The following FBXL7 variants were observed in gnomAD, a reference collection of about 807,000 sequenced individuals.
FBXL7 encodes the protein F-box and leucine rich repeat protein 7.
A neutral mutation model predicts 38.3 loss-of-function variants in FBXL7; 12 were observed. The ratio of observed to expected loss-of-function variants is 0.31; its 90% CI spans 0.20 to 0.51. The LOEUF is 0.51. Among genes scored for constraint, FBXL7 ranks in the 20% least tolerant of loss-of-function variants. The probability of loss-of-function intolerance (pLI) is 0.98; values close to 1 mark genes in which losing one functional copy is unlikely to be tolerated. For synonymous variants in FBXL7, 297 were observed against 300.9 expected (o/e 0.99, Z 0.13); for missense variants, 567 against 676.4 (o/e 0.84, Z 1.79).
intron 3 of FBXL7, chr5:15,935,042 G>C: frequency 2.2e-6 from 1 of 457,812 alleles, no homozygotes; most frequent in Non-Finnish European, 4.6e-6. Flanking sequence ...TTGGCTCTGA[G>C]ACCTGGGAAA....
At chr5:15,628,701 C>T (rs1740899093) in intron 2 of FBXL7, among the ~76,000 whole-genome samples, 1 of 152,098 alleles carries the variant, frequency 6.6e-6, no homozygotes, top group Admixed American at 6.6e-5. Context: ...TTTTCTATAA[C>T]ATTAATTTAT....
chr5:15,897,928 A>G (rs1741143448), intron 2 of FBXL7, among the ~76,000 whole-genome samples: 1 of 152,240 alleles, frequency 6.6e-6, no homozygotes, highest in Non-Finnish European at 1.5e-5. Flanking sequence ...GGCCATCACT[A>G]TCAATATATT....
At chr5:15,734,607 C>T (rs562481595) in intron 2 of FBXL7, among the ~76,000 whole-genome samples, 22 of 152,334 alleles carry the variant, frequency 1.4e-4, no homozygotes, top group African/African-American at 5.1e-4. Context: ...CCTCTTCCAT[C>T]CTTCCTTCCT....
chr5:15,602,034 C>T (rs1739812608), intron 1 of FBXL7, among the ~76,000 whole-genome samples: 1 of 152,108 alleles, frequency 6.6e-6, no homozygotes, highest in African/African-American at 2.4e-5. Context: ...ACTAAGGCTG[C>T]ACCTGGAGTT....
At chr5:15,924,258 C>T (rs994549706) in intron 2 of FBXL7, among the ~76,000 whole-genome samples, 12 of 152,262 alleles carry the variant, frequency 7.9e-5, no homozygotes, top group Middle Eastern at 3.4e-3. Context: ...ATGTATACCA[C>T]CTGGAACAGA....
At chr5:15,599,493 T>C (rs1248199778) in intron 1 of FBXL7, among the ~76,000 whole-genome samples, 1 of 152,170 alleles carries the variant, frequency 6.6e-6, no homozygotes, top group Non-Finnish European at 1.5e-5. Context: ...CTTTTAGGTC[T>C]TTTTGGATCA....
chr5:15,855,866 T>C lies in FBXL7; in HGVS notation c.128-72024T>C, dbSNP rs564936776. 9.2e-5 allele frequency among the ~76,000 whole-genome samples: 14 copies of C among 152,326 alleles called. No individual in the cohort carries two copies. In the South Asian group the frequency reaches 2.3e-3, roughly 25 times the overall value. Reference sequence around the variant, plus strand: ...ACAGAGAGTTTAAATAGTTTGAACTTGGTCACACTGCTTTAAAGCTATAAA... The same window carrying C: ...ACAGAGAGTTTAAATAGTTTGAACTCGGTCACACTGCTTTAAAGCTATAAA... On this transcript the variant is annotated intron_variant, in intron 2 of 3. Coordinates refer to ENST00000504595, the MANE Select transcript of FBXL7 (RefSeq NM_012304.5).
chr5:15,817,363 C>G (rs1190186349), intron 2 of FBXL7, among the ~76,000 whole-genome samples: 1 of 151,880 alleles, frequency 6.6e-6, no homozygotes, highest in Non-Finnish European at 1.5e-5. Flanking sequence ...CCCTGACTAG[C>G]TGATCAAGTT....
At chr5:15,860,174 G>A (rs1046002501) in intron 2 of FBXL7, among the ~76,000 whole-genome samples, 27 of 152,252 alleles carry the variant, frequency 1.8e-4, no homozygotes, top group Admixed American at 1.1e-3. Context: ...ATAGGCATAC[G>A]TGGAATTCCA....
rs572156978 is a variant in FBXL7, at chr5:15,893,855, C to G, written c.128-34035C>G. ...GAGACAAACTCAGGTTCAATGCATA[C>G]GCCTGGTAAACACCCATATGGAGGC... On this transcript the variant is annotated intron_variant, in intron 2 of 3. Transcript: ENST00000504595. Among the ~76,000 whole-genome samples, 7 of 152,288 alleles carry G rather than the reference C, an allele frequency of 4.6e-5. No individual in the cohort carries two copies. In the South Asian group the frequency reaches 1.5e-3, roughly 32 times the overall value.
chr5:15,553,679 C>T (rs1215595898), intron 1 of FBXL7, among the ~76,000 whole-genome samples: 1 of 151,968 alleles, frequency 6.6e-6, no homozygotes, highest in Non-Finnish European at 1.5e-5. Context: ...GTTTCTTAGA[C>T]ATGCATTGTT....
At chr5:15,553,736 A>G (rs528962512) in intron 1 of FBXL7, among the ~76,000 whole-genome samples, 1 of 152,342 alleles carries the variant, frequency 6.6e-6, no homozygotes, top group African/African-American at 2.4e-5. Context: ...AAAAAGGTAC[A>G]CAGGGTAATT....
intron 2 of FBXL7, among the ~76,000 whole-genome samples, chr5:15,771,663 G>T (rs759527349): frequency 1.3e-5 from 2 of 151,940 alleles, no homozygotes; most frequent in Non-Finnish European, 2.9e-5. Flanking sequence ...CTGAGGTACA[G>T]TCTGACATAG....
chr5:15,530,886 A>G (rs1045109153), intron 1 of FBXL7, among the ~76,000 whole-genome samples: 1 of 152,220 alleles, frequency 6.6e-6, no homozygotes, highest in Non-Finnish European at 1.5e-5. Flanking sequence ...GCCATGTAAC[A>G]CCCGTAGAAC....
At chr5:15,920,280 A>T (rs1424832711) in intron 2 of FBXL7, among the ~76,000 whole-genome samples, 1 of 152,122 alleles carries the variant, frequency 6.6e-6, no homozygotes, top group African/African-American at 2.4e-5. Flanking sequence ...TTGCTTTATA[A>T]TCTAGTTAAA....
At chr5:15,721,121 A>G (rs1744183492) in intron 2 of FBXL7, among the ~76,000 whole-genome samples, 1 of 152,196 alleles carries the variant, frequency 6.6e-6, no homozygotes, top group African/African-American at 2.4e-5. Flanking sequence ...GAGAATATAC[A>G]TATAAGGTAT....
chr5:15,566,025 A>C (rs1049490553), intron 1 of FBXL7, among the ~76,000 whole-genome samples: 6 of 152,040 alleles, frequency 3.9e-5, no homozygotes, highest in African/African-American at 1.4e-4. Context: ...CACGTGTAAA[A>C]CTTTCCTTTT....
intron 1 of FBXL7, among the ~76,000 whole-genome samples, chr5:15,584,653 T>C (rs908649664): frequency 5.3e-5 from 8 of 152,244 alleles, no homozygotes; most frequent in Admixed American, 5.2e-4. Flanking sequence ...CTCTCCAAAC[T>C]GTTCAAACCC....
chr5:15,852,261 A>G (rs1338258850), intron 2 of FBXL7, among the ~76,000 whole-genome samples: 1 of 152,228 alleles, frequency 6.6e-6, no homozygotes, highest in Non-Finnish European at 1.5e-5. Context: ...GTCATCTTCC[A>G]TTAGTAGAAA....
Sources: gnomAD v4.1 joint callset for allele counts (sites outside exome capture counted in the v4.1 genomes callset) on GRCh38, gnomAD v4.1.1 for gene constraint, MANE v1.5 for transcripts, NCBI Gene and HGNC (gene_info 2026-07-23, HGNC 2026-07-21) for gene names.